The following ZFAT variants were observed in gnomAD, a reference collection of about 807,000 sequenced individuals.
ZFAT encodes zinc finger and AT-hook domain containing, also known as zinc finger protein ZFAT.
A neutral mutation model predicts 117.7 loss-of-function variants in ZFAT; 64 were observed. The observed-to-expected ratio is 0.54, with a 90% CI of 0.44 to 0.67. The LOEUF is 0.67. Ranked by LOEUF, ZFAT falls within the 30% of genes least tolerant of loss-of-function variation. The pLI is 0.00. For synonymous variants in ZFAT, 679 were observed against 615.0 expected, an observed-to-expected ratio of 1.10 and a Z score of -1.54; for missense variants, 1,433 against 1,584.5, an observed-to-expected ratio of 0.90 and a Z score of 1.62.
the ZFAT span, among the ~76,000 whole-genome samples, chr8:134,738,926 T>C: frequency 1.3e-5 from 2 of 152,204 alleles, no homozygotes; most frequent in Non-Finnish European, 2.9e-5. Context: ...CAAGCTTCCC[T>C]AGTCCTTTTA....
At chr8:134,620,731 A>G (rs1829053088) in intron 3 of ZFAT, among the ~76,000 whole-genome samples, 1 of 152,158 alleles carries the variant, frequency 6.6e-6, no homozygotes, top group Admixed American at 6.5e-5. Flanking sequence ...GCTGACGGGG[A>G]ATTTTGGATA....
chr8:134,627,593 G>T (rs1394323619), intron 3 of ZFAT, among the ~76,000 whole-genome samples: 1 of 152,138 alleles, frequency 6.6e-6, no homozygotes. Flanking sequence ...CCTACCCAGG[G>T]CCTCATCTGA....
the ZFAT span, among the ~76,000 whole-genome samples, chr8:134,821,450 G>A: frequency 5.9e-5 from 9 of 152,028 alleles, no homozygotes; most frequent in South Asian, 1.9e-3. Flanking sequence ...GTTCAGTTCT[G>A]GCCACTGTAT....
At chr8:134,600,815 T>C (rs954174687) in intron 6 of ZFAT, 147 bp from the exon 7 acceptor site, 6 of 678,358 alleles carry the variant, frequency 8.8e-6, no homozygotes, top group African/African-American at 1.8e-5. Context: ...CACATTTCTG[T>C]CTGAAAATTA....
At chr8:134,606,729 G>GAAAAA (rs75459456) in intron 5 of ZFAT, among the ~76,000 whole-genome samples, 1 of 47,888 alleles carries the variant, frequency 2.1e-5, no homozygotes, top group Non-Finnish European at 5.1e-5. Context: ...CTCTGTCTCA[G>GAAAAA]AAAAAAAAAA....
intron 3 of ZFAT, among the ~76,000 whole-genome samples, chr8:134,612,831 G>C (rs1185377970): frequency 2.0e-5 from 3 of 152,228 alleles, no homozygotes; most frequent in African/African-American, 7.2e-5. Context: ...TGAAGAGCAT[G>C]ATGACTCCTA....
At chr8:134,556,134 A>AAGAT (rs1823607688) in intron 11 of ZFAT, among the ~76,000 whole-genome samples, 1 of 152,170 alleles carries the variant, frequency 6.6e-6, no homozygotes, top group African/African-American at 2.4e-5. Flanking sequence ...GAACCAAATG[A>AAGAT]AGATCCTAGA....
the ZFAT span, chr8:134,785,764 C>T: frequency 3.8e-4 from 53 of 141,266 alleles, no homozygotes; most frequent in Admixed American, 8.2e-4. Context: ...AGGTACTCCC[C>T]TATTTTTCCT....
the ZFAT span, among the ~76,000 whole-genome samples, chr8:134,758,261 T>C: frequency 6.6e-6 from 1 of 152,136 alleles, no homozygotes; most frequent in Non-Finnish European, 1.5e-5. Flanking sequence ...ATCCTGGGTA[T>C]GATCACCCAG....
rs1431817165 is a variant in ZFAT, at chr8:134,639,710, A to G, written c.197-1998T>C. ...TCTTCACAACAACGTGTACTTGCAC[A>G]ATCTACTGAAGCAGCAATTCATATC... On this transcript the variant is annotated intron_variant, in intron 2 of 15. Transcript: ENST00000377838. The G allele has an allele frequency of 2.2e-5, 10 of 448,448 alleles. No homozygotes were observed. In the East Asian group the frequency reaches 7.1e-4, roughly 32 times the overall value. 27.8% of individuals were successfully genotyped at this position (448,448 alleles called of 1,614,324 possible). A position where few individuals can be genotyped will look rare whatever the true frequency, so the allele number is the denominator to read the frequency against.
chr8:134,627,354 C>T (rs952147523), intron 3 of ZFAT, among the ~76,000 whole-genome samples: 4 of 152,102 alleles, frequency 2.6e-5, no homozygotes, highest in Admixed American at 6.5e-5. Context: ...GCAGATGAGA[C>T]AAAAGGAGGA....
chr8:134,782,739 A>G, the ZFAT span, among the ~76,000 whole-genome samples: 172 of 152,150 alleles, frequency 1.1e-3, no homozygotes, highest in African/African-American at 2.7e-3. Context: ...TGCCATGATT[A>G]TGAGGCCTCC....
intron 3 of ZFAT, among the ~76,000 whole-genome samples, chr8:134,628,767 G>A (rs552138799): frequency 6.6e-6 from 1 of 152,262 alleles, no homozygotes; most frequent in Non-Finnish European, 1.5e-5. Context: ...CACTGGATAG[G>A]ATGCTTGCCC....
the ZFAT span, among the ~76,000 whole-genome samples, chr8:134,786,491 C>G: frequency 6.6e-6 from 1 of 152,158 alleles, no homozygotes; most frequent in African/African-American, 2.4e-5. Flanking sequence ...GGTTCTCCCC[C>G]TCCAACTCCC....
At chr8:134,554,203 G>A (rs867292860) in intron 11 of ZFAT, among the ~76,000 whole-genome samples, 1 of 152,186 alleles carries the variant, frequency 6.6e-6, no homozygotes. Context: ...AGGGGCAATA[G>A]GTACATCTGA....
At chr8:134,613,045 G>T (rs1048502323) in intron 3 of ZFAT, among the ~76,000 whole-genome samples, 1 of 152,168 alleles carries the variant, frequency 6.6e-6, no homozygotes, top group Non-Finnish European at 1.5e-5. Flanking sequence ...TGATACACAC[G>T]CATAAATAAC....
At chr8:134,674,778 C>T (rs749406946) in intron 1 of ZFAT, 16 of 297,326 alleles carry the variant, frequency 5.4e-5, no homozygotes, top group Admixed American at 1.2e-4. Context: ...CCCTCTGGGA[C>T]GAAGCTTCCA....
At chr8:134,761,102 A>G in the ZFAT span, among the ~76,000 whole-genome samples, 7 of 152,244 alleles carry the variant, frequency 4.6e-5, no homozygotes, top group African/African-American at 1.7e-4. Context: ...TGAGACAAAG[A>G]GCCTGGTATG....
At chr8:134,490,193 G>A (rs1489840834) in intron 15 of ZFAT, among the ~76,000 whole-genome samples, 2 of 152,224 alleles carry the variant, frequency 1.3e-5, no homozygotes, top group African/African-American at 4.8e-5. Context: ...ATAGATGGGA[G>A]ACACAGAATC....
Sources: allele counts gnomAD v4.1 joint callset (sites outside exome capture counted in the v4.1 genomes callset), GRCh38; gene constraint gnomAD v4.1.1; transcripts MANE v1.5; gene names NCBI Gene and HGNC (gene_info 2026-07-23, HGNC 2026-07-21).